Variants in ERBB2 observed in about 807,000 individuals in gnomAD.
ERBB2 encodes the protein receptor tyrosine-protein kinase erbB-2.
In ERBB2, 61 loss-of-function variants were observed where a neutral mutation model predicts 149.0. That is an observed-to-expected ratio of 0.41 (90% CI 0.33 to 0.51). ERBB2 has a LOEUF of 0.51. Among genes scored for constraint, ERBB2 ranks in the 20% least tolerant of loss-of-function variants. The pLI, the probability that ERBB2 is intolerant of heterozygous loss-of-function variation, is 0.25. For missense variants in ERBB2, 1,205 were observed against 1,655.1 expected (o/e 0.73, Z 4.72); for synonymous variants, 633 against 678.8 (o/e 0.93, Z 1.05).
chr17:39,708,245 G>A, intron 2 of ERBB2, 76 bp from the exon 3 acceptor site: 1 of 1,165,724 alleles, frequency 8.6e-7, no homozygotes, highest in East Asian at 2.4e-5. Context: ...AGATCTCCAA[G>A]TACTGGGGAA....
rs1315961777 is a variant in ERBB2 at position 39,723,768 on chromosome 17, G to C, written c.2208+108G>C. 8 of 1,519,790 alleles carry C rather than the reference G, an allele frequency of 5.3e-6. No homozygotes were observed. The highest frequency in any genetic ancestry group is 2.4e-5 in the East Asian group (1 of 42,058). 94.1% of individuals were successfully genotyped at this position (1,519,790 alleles called of 1,614,324 possible). A position where few individuals can be genotyped will look rare whatever the true frequency, so the allele number is the denominator to read the frequency against. On this transcript the variant is annotated intron_variant, in intron 18 of 26. Coordinates refer to ENST00000269571, the MANE Select transcript of ERBB2 (RefSeq NM_004448.4). The surrounding 1 kb of genome is among the most constrained non-coding windows in gnomAD (Gnocchi z 6.2). ...GGGCAAGAGCTGGAGGCAGTGTTTG[G>C]GGGAGGGCAGTTACAGCGGAGAAGG...
In ERBB2 at chr17:39,725,965, G is replaced by A; in HGVS notation, c.2872+112G>A. The A allele has an allele frequency of 2.6e-6, 3 of 1,155,626 alleles. No individual in the cohort carries two copies. Among genetic ancestry groups the A allele is most frequent in the South Asian group, 2.7e-5 (2 of 72,974 alleles). 71.6% of individuals were successfully genotyped at this position (1,155,626 alleles called of 1,614,324 possible). ...GATGTATGTAGACCCAGGAGCCCTA[G>A]TATGTTAGGAGCCTCAAAACCTTCT... is the stretch of plus-strand genomic sequence containing the variant. On this transcript the variant is annotated intron_variant, in intron 23 of 26. Coordinates refer to ENST00000269571, the MANE Select transcript of ERBB2 (RefSeq NM_004448.4). This position sits in a 1 kb window ranked among gnomAD's most constrained non-coding sequence, Gnocchi z 4.6.
upstream of ERBB2, among the ~76,000 whole-genome samples, chr17:39,694,314 T>TATATAC (rs1399547497): frequency 2.9e-5 from 3 of 102,734 alleles, no homozygotes; most frequent in African/African-American, 1.1e-4. Flanking sequence ...TATATATATA[T>TATATAC]ACACACACAC....
At chr17:39,719,159 G>A (rs982154415) in intron 15 of ERBB2, among the ~76,000 whole-genome samples, 5 of 152,096 alleles carry the variant, frequency 3.3e-5, no homozygotes, top group African/African-American at 1.2e-4. Context: ...TATTTGAGAG[G>A]TTGAGACAGG....
chr17:39,711,867 G>C (rs1022836697), intron 7 of ERBB2, 61 bp from the exon 8 acceptor site: 1 of 1,607,302 alleles, frequency 6.2e-7, no homozygotes, highest in South Asian at 1.1e-5. Flanking sequence ...GCACGGTAAT[G>C]CTGCTCATGG....
At chr17:39,718,750 T>A (rs982183554) in intron 15 of ERBB2, among the ~76,000 whole-genome samples, 1 of 152,192 alleles carries the variant, frequency 6.6e-6, no homozygotes, top group African/African-American at 2.4e-5. Context: ...ATTTTTTTTT[T>A]AATTACTCAA....
intron 14 of ERBB2, chr17:39,717,054 T>A: frequency 8.3e-6 from 4 of 479,594 alleles, no homozygotes; most frequent in Non-Finnish European, 1.1e-5. Context: ...TGTTACTCGC[T>A]GTTACACCTT....
rs564681249 is a variant in ERBB2, at chr17:39,725,532, C to T, written c.2725+130C>T. 8.7e-4 allele frequency: 1,064 copies of T among 1,218,880 alleles called. 1 individual carries two copies. Among genetic ancestry groups the T allele is most frequent in the Non-Finnish European group, 1.2e-3 (1,004 of 851,238 alleles). The allele number at this position is 1,218,880 out of a possible 1,614,324, so 75.5% of individuals were successfully genotyped here. On this transcript the variant is annotated intron_variant, in intron 22 of 26. Transcript: ENST00000269571. The surrounding 1 kb of genome is among the most constrained non-coding windows in gnomAD (Gnocchi z 4.6). ...GAGGGAAGGGGCTGCCTGTGCCCCACCTTGCAGGGTCTGTGCACTTCCCAG... is the reference window on the plus strand; with the variant it reads ...GAGGGAAGGGGCTGCCTGTGCCCCATCTTGCAGGGTCTGTGCACTTCCCAG...
chr17:39,699,477 C>G, upstream of ERBB2: 1 of 1,410,344 alleles, frequency 7.1e-7, no homozygotes, highest in South Asian at 1.3e-5. Flanking sequence ...AAAAAAAAGT[C>G]CTTTCGATGT....
intron 2 of ERBB2, chr17:39,707,351 G>T: frequency 2.2e-6 from 1 of 448,408 alleles, no homozygotes; most frequent in South Asian, 4.7e-5. Flanking sequence ...CCGAGGTCAT[G>T]TCTGGATGGG....
At chr17:39,689,891 A>G (rs2057654976) in intron 2 of ERBB2, among the ~76,000 whole-genome samples, 1 of 149,560 alleles carries the variant, frequency 6.7e-6, no homozygotes, top group South Asian at 2.1e-4. Context: ...GGGCAACAAG[A>G]GCGAAACTCA....
rs954253775 is a variant in ERBB2, at chr17:39,725,670, T to C, written c.2726-37T>C. 6.3e-7 allele frequency: 1 copy of C among 1,582,394 alleles called. No individual in the cohort carries two copies. Among genetic ancestry groups the C allele is most frequent in the Non-Finnish European group, 8.6e-7 (1 of 1,163,982 alleles). The stretch of plus-strand genomic sequence containing the variant: ...TCTGGCTCAGTACACTAAAGCTCCC[T>C]CTGGCCCTCCCACTCCTGACCCTGT... On this transcript the variant is annotated intron_variant, in intron 22 of 26. Transcript: ENST00000269571. This position sits in a 1 kb window ranked among gnomAD's most constrained non-coding sequence, Gnocchi z 4.6.
At chr17:39,697,522 A>T (rs1418396700), upstream of ERBB2, among the ~76,000 whole-genome samples, 6 of 151,484 alleles carry the variant, frequency 4.0e-5, no homozygotes, top group East Asian at 9.7e-4. Flanking sequence ...ATGCCCGGCT[A>T]ATTTTGTGTT....
chr17:39,722,789 C>A (rs2059517344), intron 16 of ERBB2, among the ~76,000 whole-genome samples: 1 of 151,846 alleles, frequency 6.6e-6, no homozygotes, highest in African/African-American at 2.4e-5. Flanking sequence ...AATCTCAGCT[C>A]ACTGCAACCT....
Position 39,710,400 on chromosome 17 carries a change from T to A in ERBB2, c.820T>A (p.Tyr274Asn), listed in dbSNP as rs2058728175. The A allele has an allele frequency of 6.2e-7, 1 of 1,614,132 alleles. No homozygotes were observed. The highest frequency in any genetic ancestry group is 1.1e-5 in the South Asian group (1 of 91,082). ...CELHCPALVT[Y>N]NTDTFESMPN... ...GCTGCACTGCCCAGCCCTGGTCACC[T>A]ACAACACAGACACGTTTGAGTCCAT... Residue 274 changes from tyrosine to asparagine, a missense_variant, in exon 7 of 27, where the codon TAC becomes AAC. Tyr to Asn is a moderately radical substitution (Grantham distance 143). Transcript: ENST00000269571.
chr17:39,698,361 G>A (rs959727175), upstream of ERBB2, among the ~76,000 whole-genome samples: 1 of 151,330 alleles, frequency 6.6e-6, no homozygotes, highest in Admixed American at 6.6e-5. Flanking sequence ...CCAGGTTCAC[G>A]CCATTCTCCT....
intron 2 of ERBB2, 178 bp downstream of exon 2, chr17:39,707,319 ACTCT>A (rs779711336): frequency 1.9e-5 from 10 of 538,416 alleles, no homozygotes; most frequent in Non-Finnish European, 2.9e-5. Context: ...GAATCAGTTG[ACTCT>A]CTCTATAACG....
In ERBB2 at chr17:39,716,445, G is replaced by A. The variant is rs2059131380; in HGVS notation, c.1646+12G>A. 5.6e-6 allele frequency: 9 copies of A among 1,612,602 alleles called. No individual in the cohort carries two copies. The highest frequency in any genetic ancestry group is 7.6e-6 in the Non-Finnish European group (9 of 1,178,932). ...CGAGTACTGCAGGGGTATGAGGGGC[G>A]GAGGAGAGGGTGGCTGGAGGGGTGC... On this transcript the variant is annotated intron_variant, in intron 13 of 26. Coordinates refer to ENST00000269571, the MANE Select transcript of ERBB2 (RefSeq NM_004448.4).
At chr17:39,709,701 C>T in intron 4 of ERBB2, 112 bp from the exon 5 acceptor site, 1 of 1,102,286 alleles carries the variant, frequency 9.1e-7, no homozygotes, top group Non-Finnish European at 1.4e-6. Context: ...CCCTCCCTTG[C>T]TGTGCAGTTG....
Sources: allele counts gnomAD v4.1 joint callset (sites outside exome capture counted in the v4.1 genomes callset), GRCh38; gene constraint gnomAD v4.1.1; non-coding constraint Gnocchi (gnomAD v3.1); transcripts MANE v1.5; gene names NCBI Gene and HGNC (gene_info 2026-07-23, HGNC 2026-07-21).